Variants in CCDC149 observed in about 807,000 individuals in gnomAD.
CCDC149 encodes coiled-coil domain containing 149.
A neutral mutation model predicts 59.9 loss-of-function variants in CCDC149; 45 were observed. The observed-to-expected ratio is 0.75, with a 90% CI of 0.59 to 0.96. The LOEUF (loss-of-function observed/expected upper bound fraction) is 0.96, where lower values mean the gene tolerates loss of function less well. CCDC149 is among the 40% of genes least tolerant of loss of function. The pLI, the probability that CCDC149 is intolerant of heterozygous loss-of-function variation, is 0.00. For missense variants in CCDC149, 584 were observed against 664.7 expected (o/e 0.88, Z 1.33); for synonymous variants, 245 against 260.6 (o/e 0.94, Z 0.58).
At position 24,821,152 on chromosome 4, in the gene CCDC149, C is replaced by T. The variant is rs188396520; in HGVS notation, c.1043-65G>A. The T allele has an allele frequency of 1.7e-5, 16 of 939,654 alleles. No homozygotes were observed. The African/African-American group carries it at 2.7e-4, about 16-fold the overall frequency. 58.2% of individuals were successfully genotyped at this position (939,654 alleles called of 1,614,324 possible). On this transcript the variant is annotated intron_variant, in intron 10 of 12. Coordinates refer to ENST00000635206, the MANE Select transcript of CCDC149 (RefSeq NM_001330643.2). The stretch of plus-strand genomic sequence containing the variant: ...TGCATAATAGCCATTTGAAGTTGCA[C>T]CTAGACCAAACAAAACCATAGAAAA...
At chr4:24,881,161 C>A (rs568978689) in intron 1 of CCDC149, among the ~76,000 whole-genome samples, 1 of 152,168 alleles carries the variant, frequency 6.6e-6, no homozygotes, top group Admixed American at 6.5e-5. Flanking sequence ...ACTGAAGCTG[C>A]GTTTGTAGCA....
At chr4:24,880,422 A>G (rs978199584) in intron 1 of CCDC149, among the ~76,000 whole-genome samples, 7 of 152,240 alleles carry the variant, frequency 4.6e-5, no homozygotes, top group African/African-American at 1.2e-4. Flanking sequence ...TAAGTGACAC[A>G]TGACTGTATA....
intron 9 of CCDC149, chr4:24,831,209 T>C: frequency 4.6e-6 from 1 of 217,088 alleles, no homozygotes; most frequent in Non-Finnish European, 9.0e-6. Flanking sequence ...GAGAGGTGGG[T>C]CAAGTCACCC....
chr4:24,822,587 A>G lies in CCDC149; in HGVS notation c.966-14T>C. The G allele has an allele frequency of 6.6e-7, 1 of 1,522,010 alleles. No individual in the cohort carries two copies. The highest frequency in any genetic ancestry group is 8.8e-7 in the Non-Finnish European group (1 of 1,132,572). 94.3% of individuals were successfully genotyped at this position (1,522,010 alleles called of 1,614,324 possible). ...TTCCCTAGGATTCTGAAAAAAGGGG[A>G]GAAAATGACAATCAATTACTGAGCA... On this transcript the variant is annotated splice_polypyrimidine_tract_variant and intron_variant, in intron 9 of 12. Transcript: ENST00000635206.
intron 12 of CCDC149, among the ~76,000 whole-genome samples, chr4:24,813,489 A>AATATATATATATATATATATATAAATAT (rs1714767387): frequency 8.8e-6 from 1 of 113,734 alleles, no homozygotes; most frequent in Non-Finnish European, 1.7e-5. Flanking sequence ...CAGCTTGGGG[A>AATATATATATATATATATATATAAATAT]ATATATATAT....
intron 1 of CCDC149, among the ~76,000 whole-genome samples, chr4:24,952,627 ATATATATAT>A (rs1482092345): frequency 1.1e-3 from 10 of 9,338 alleles, no homozygotes; most frequent in East Asian, 3.3e-3. Context: ...AAAAAAAAAA[ATATATATAT>A]ATATATATAT....
At chr4:24,826,150 G>A (rs952923078) in intron 9 of CCDC149, among the ~76,000 whole-genome samples, 4 of 151,658 alleles carry the variant, frequency 2.6e-5, no homozygotes, top group African/African-American at 7.3e-5. Context: ...TAGTAGAGAC[G>A]GGGTTTCACC....
chr4:24,856,759 T>C (rs2109194913), intron 3 of CCDC149, among the ~76,000 whole-genome samples: 1 of 152,350 alleles, frequency 6.6e-6, no homozygotes, highest in Admixed American at 6.5e-5. Context: ...GCTCAAGGTG[T>C]CACATGTGGG....
At chr4:24,840,221 T>C (rs937609692) in intron 4 of CCDC149, among the ~76,000 whole-genome samples, 2 of 152,170 alleles carry the variant, frequency 1.3e-5, no homozygotes, top group Non-Finnish European at 2.9e-5. Flanking sequence ...ATTTACTGTG[T>C]CCCTACCAAG....
At chr4:24,835,566 A>G (rs1716462403) in intron 7 of CCDC149, among the ~76,000 whole-genome samples, 1 of 152,242 alleles carries the variant, frequency 6.6e-6, no homozygotes, top group South Asian at 2.1e-4. Flanking sequence ...CTTGGCACAT[A>G]GAACTGAATA....
chr4:24,929,238 G>T (rs1174920809), intron 1 of CCDC149, among the ~76,000 whole-genome samples: 2 of 152,106 alleles, frequency 1.3e-5, no homozygotes, highest in African/African-American at 4.8e-5. Flanking sequence ...AAAACAGCCC[G>T]TCGTCTGCAG....
chr4:24,862,927 C>T (rs1015932473), intron 3 of CCDC149, among the ~76,000 whole-genome samples: 9 of 152,068 alleles, frequency 5.9e-5, no homozygotes, highest in South Asian at 2.1e-4. Flanking sequence ...TTTGCAGGCC[C>T]GTCACTGAAC....
intron 3 of CCDC149, among the ~76,000 whole-genome samples, chr4:24,859,022 T>TATAA: frequency 6.6e-6 from 1 of 152,218 alleles, no homozygotes; most frequent in Non-Finnish European, 1.5e-5. Flanking sequence ...AGATGTGACA[T>TATAA]GTTTTTTAAA....
At chr4:24,975,608 A>G (rs16867752) in intron 1 of CCDC149, among the ~76,000 whole-genome samples, 56,012 of 148,882 alleles carry the variant, frequency 0.38, 12,353 homozygotes, top group African/African-American at 0.6. Context: ...GAGAGGAAGC[A>G]TACGTCCTGG....
chr4:24,918,278 G>C (rs1457551405), intron 1 of CCDC149, among the ~76,000 whole-genome samples: 1 of 151,966 alleles, frequency 6.6e-6, no homozygotes, highest in African/African-American at 2.4e-5. Flanking sequence ...CTTGGGGATG[G>C]GGAAAAAAAA....
intron 1 of CCDC149, among the ~76,000 whole-genome samples, chr4:24,944,961 C>A (rs1014886990): frequency 6.6e-6 from 1 of 152,176 alleles, no homozygotes; most frequent in Non-Finnish European, 1.5e-5. Flanking sequence ...ACCCTCCTTT[C>A]TCCTTAAATG....
At chr4:24,828,616 A>T (rs1463712365) in intron 9 of CCDC149, 7 of 151,912 alleles carry the variant, frequency 4.6e-5, no homozygotes, top group Non-Finnish European at 7.4e-5. Context: ...TATCTCTACT[A>T]AAAAAATACA....
chr4:24,943,146 T>C (rs36168022), intron 1 of CCDC149, among the ~76,000 whole-genome samples: 4,832 of 152,164 alleles, frequency 0.032, 112 homozygotes, highest in East Asian at 0.095. Flanking sequence ...GACTTCAAAC[T>C]ATACTACAAG....
chr4:24,810,465 C>G (rs1301511444), intron 12 of CCDC149, among the ~76,000 whole-genome samples: 1 of 152,112 alleles, frequency 6.6e-6, no homozygotes, highest in African/African-American at 2.4e-5. Context: ...ACTCCTGGAC[C>G]CCCTTTCCAG....
Sources: allele counts gnomAD v4.1 joint callset (sites outside exome capture counted in the v4.1 genomes callset), GRCh38; gene constraint gnomAD v4.1.1; transcripts MANE v1.5; gene names NCBI Gene and HGNC (gene_info 2026-07-23, HGNC 2026-07-21).